Variants in CREB5 observed in about 807,000 individuals in gnomAD.
CREB5 encodes the protein cyclic AMP-responsive element-binding protein 5.
CREB5 carries 19 observed loss-of-function variants against 57.1 expected under a neutral mutation model. The ratio of observed to expected loss-of-function variants is 0.33; its 90% CI spans 0.23 to 0.49. The LOEUF is 0.49. CREB5 is among the 20% of genes least tolerant of loss of function. The pLI is 0.99. For synonymous variants in CREB5, 238 were observed against 238.3 expected (o/e 1.00, Z 0.01); for missense variants, 579 against 671.6 (o/e 0.86, Z 1.52).
chr7:28,720,599 A>G (rs1368705014), intron 6 of CREB5, among the ~76,000 whole-genome samples: 1 of 152,158 alleles, frequency 6.6e-6, no homozygotes, highest in Non-Finnish European at 1.5e-5. Flanking sequence ...GGACTTGCCC[A>G]CCCTAAATAC....
At chr7:28,499,794 G>T (rs1792201915) in intron 3 of CREB5, among the ~76,000 whole-genome samples, 1 of 152,114 alleles carries the variant, frequency 6.6e-6, no homozygotes. Flanking sequence ...TGTATGTCAG[G>T]CTGGTCTCGA....
intron 7 of CREB5, among the ~76,000 whole-genome samples, chr7:28,787,495 G>A (rs1224738620): frequency 1.3e-5 from 2 of 152,208 alleles, no homozygotes; most frequent in African/African-American, 4.8e-5. Context: ...GTGAAATGAA[G>A]TATTCTTGGG....
At chr7:28,617,771 A>C (rs576200601) in intron 5 of CREB5, among the ~76,000 whole-genome samples, 1 of 152,384 alleles carries the variant, frequency 6.6e-6, no homozygotes, top group African/African-American at 2.4e-5. Context: ...TCTATTTTTA[A>C]AAAATCAGAG....
intron 9 of CREB5, among the ~76,000 whole-genome samples, chr7:28,810,278 G>A (rs1031171527): frequency 6.6e-6 from 1 of 152,110 alleles, no homozygotes; most frequent in Non-Finnish European, 1.5e-5. Flanking sequence ...ACAGTCCAGG[G>A]ATAGCATTAA....
intron 7 of CREB5, among the ~76,000 whole-genome samples, chr7:28,792,969 A>T (rs1438117791): frequency 6.6e-6 from 1 of 152,232 alleles, no homozygotes; most frequent in East Asian, 1.9e-4. Context: ...GCAGGATGGT[A>T]GAACTGTCAC....
intron 5 of CREB5, among the ~76,000 whole-genome samples, chr7:28,634,897 G>A (rs907980355): frequency 6.6e-6 from 1 of 152,124 alleles, no homozygotes; most frequent in Non-Finnish European, 1.5e-5. Flanking sequence ...TCAGGGTAGA[G>A]CACTGTATCA....
chr7:28,479,891 G>T (rs567193191), intron 1 of CREB5, among the ~76,000 whole-genome samples: 1 of 152,242 alleles, frequency 6.6e-6, no homozygotes, highest in Admixed American at 6.5e-5. Context: ...TCTCACATGT[G>T]GTAGCTCACA....
chr7:28,328,629 T>G (rs1785654321), intron 1 of CREB5, among the ~76,000 whole-genome samples: 1 of 152,232 alleles, frequency 6.6e-6, no homozygotes, highest in African/African-American at 2.4e-5. Context: ...CAACGACTCT[T>G]CCAAGTTTAG....
In CREB5 at chr7:28,737,527, GTATATATATACGTATA is replaced by G. The variant is rs1339983526; in HGVS notation, c.702+13206_702+13221del. 4.2e-3 allele frequency among the ~76,000 whole-genome samples: 358 copies of G among 84,258 alleles called. 4 individuals carry two copies. Among genetic ancestry groups the G allele is most frequent in the Non-Finnish European group, 6.4e-3 (275 of 42,648 alleles). The allele number at this position is 84,258 out of a possible 152,430, so 55.3% of individuals were successfully genotyped here. A position where few individuals can be genotyped will look rare whatever the true frequency, so the allele number is the denominator to read the frequency against. ...TCTCTGTGTGTGTGTGTGTATATAT[GTATATATATACGTATA>G]TATATATATATATATATATATATAT... On this transcript the variant is annotated intron_variant, in intron 7 of 10. Transcript: ENST00000357727.
chr7:28,685,149 G>A (rs867308608), intron 5 of CREB5, among the ~76,000 whole-genome samples: 1 of 152,174 alleles, frequency 6.6e-6, no homozygotes, highest in African/African-American at 2.4e-5. Context: ...CCCCTCCAGC[G>A]AGTTGAGTTG....
chr7:28,682,694 G>GGGA (rs1491335721), intron 5 of CREB5, among the ~76,000 whole-genome samples: 2 of 119,792 alleles, frequency 1.7e-5, no homozygotes, highest in Non-Finnish European at 3.8e-5. Context: ...GGGGGGGGGG[G>GGGA]AAACCCCAGC....
intron 1 of CREB5, among the ~76,000 whole-genome samples, chr7:28,323,244 C>T (rs1027921604): frequency 1.3e-5 from 2 of 152,234 alleles, no homozygotes; most frequent in African/African-American, 4.8e-5. Flanking sequence ...GAAAAACCCA[C>T]AACTGTGCTG....
At chr7:28,497,611 A>C (rs1299409254) in intron 3 of CREB5, among the ~76,000 whole-genome samples, 1 of 152,186 alleles carries the variant, frequency 6.6e-6, no homozygotes, top group East Asian at 1.9e-4. Context: ...CCTACTTTGC[A>C]TGTTCTTAGG....
At chr7:28,416,104 T>C (rs764899823) in intron 1 of CREB5, among the ~76,000 whole-genome samples, 4 of 152,224 alleles carry the variant, frequency 2.6e-5, no homozygotes, top group Non-Finnish European at 4.4e-5. Context: ...GGAATAACAA[T>C]GTCTAAATAG....
At chr7:28,806,021 A>C (rs908014151) in intron 8 of CREB5, among the ~76,000 whole-genome samples, 1 of 152,158 alleles carries the variant, frequency 6.6e-6, no homozygotes, top group Non-Finnish European at 1.5e-5. Context: ...AAAAAAAAAA[A>C]CTACAAAGTC....
intron 7 of CREB5, among the ~76,000 whole-genome samples, chr7:28,743,033 G>A (rs1468221469): frequency 2.0e-5 from 3 of 152,104 alleles, no homozygotes; most frequent in Non-Finnish European, 2.9e-5. Context: ...ATCTGCCGGC[G>A]TCGGCCTTCC....
chr7:28,343,829 A>G (rs1285903131), intron 1 of CREB5, among the ~76,000 whole-genome samples: 2 of 152,244 alleles, frequency 1.3e-5, no homozygotes, highest in Non-Finnish European at 2.9e-5. Flanking sequence ...ACAGTGCACA[A>G]GGATTCTCTT....
intron 3 of CREB5, among the ~76,000 whole-genome samples, chr7:28,500,252 C>T (rs913035696): frequency 4.6e-5 from 7 of 152,142 alleles, no homozygotes; most frequent in African/African-American, 7.2e-5. Flanking sequence ...ACTGTGATGG[C>T]AAGTGGCCAG....
intron 7 of CREB5, among the ~76,000 whole-genome samples, chr7:28,792,150 C>A (rs1443134926): frequency 6.6e-6 from 1 of 151,976 alleles, no homozygotes; most frequent in South Asian, 2.1e-4. Flanking sequence ...ACTAAAAATA[C>A]AAAAATTAGT....
Sources: allele counts gnomAD v4.1 joint callset (sites outside exome capture counted in the v4.1 genomes callset), GRCh38; gene constraint gnomAD v4.1.1; transcripts MANE v1.5; gene names NCBI Gene and HGNC (gene_info 2026-07-23, HGNC 2026-07-21).